Variants in CCDC77 observed in about 807,000 individuals in gnomAD.
CCDC77 encodes coiled-coil domain-containing protein 77.
In CCDC77, 56 loss-of-function variants were observed where a neutral mutation model predicts 66.8. That is an observed-to-expected ratio of 0.84 (90% CI 0.68 to 1.05). The LOEUF is 1.05. Among genes scored for constraint, CCDC77 ranks in the 50% least tolerant of loss-of-function variants. CCDC77 has a pLI of 0.00. For synonymous variants in CCDC77, 196 were observed against 195.2 expected, an observed-to-expected ratio of 1.00 and a Z score of -0.03; for missense variants, 570 against 576.8, an observed-to-expected ratio of 0.99 and a Z score of 0.12.
chr12:396,119 A>G (rs568710548), intron 1 of CCDC77, among the ~76,000 whole-genome samples: 11 of 152,098 alleles, frequency 7.2e-5, no homozygotes, highest in African/African-American at 2.4e-4. Context: ...TGGCCAGGCG[A>G]GGTGGCTCAC....
chr12:427,923 G>A (rs1242642145), intron 5 of CCDC77, among the ~76,000 whole-genome samples: 1 of 152,164 alleles, frequency 6.6e-6, no homozygotes, highest in Non-Finnish European at 1.5e-5. Context: ...TTCAGTTGCA[G>A]CAGGCCTCGT....
intron 1 of CCDC77, among the ~76,000 whole-genome samples, chr12:391,538 T>C (rs112798102): frequency 6.1e-4 from 93 of 152,268 alleles, no homozygotes; most frequent in African/African-American, 2.2e-3. Context: ...AAAGAAATAA[T>C]GGAATTCCGA....
At chr12:436,626 G>C (rs1945764782) in intron 9 of CCDC77, 1 of 251,392 alleles carries the variant, frequency 4.0e-6, no homozygotes, top group African/African-American at 2.3e-5. Context: ...ATAGCATCTT[G>C]ACATTTCAAT....
At position 437,689 on chromosome 12, in the gene CCDC77, C is replaced by A. The variant is rs1290364269; in HGVS notation, c.822-646C>A. ...GCAAGACCCCATCTCCACACACACACAAATTTTTAATGAGCTGGCAAACAC... is the reference window on the plus strand; with the variant it reads ...GCAAGACCCCATCTCCACACACACAAAAATTTTTAATGAGCTGGCAAACAC... On this transcript the variant is annotated intron_variant, in intron 9 of 12. Coordinates refer to ENST00000239830, the MANE Select transcript of CCDC77 (RefSeq NM_032358.4). Among the ~76,000 whole-genome samples, 4 of 151,654 alleles carry A rather than the reference C, an allele frequency of 2.6e-5. No homozygotes were observed. In the East Asian group the frequency reaches 7.7e-4, roughly 29 times the overall value.
At chr12:399,017 G>A (rs915233462), upstream of CCDC77, among the ~76,000 whole-genome samples, 1 of 152,042 alleles carries the variant, frequency 6.6e-6, no homozygotes, top group Admixed American at 6.6e-5. Context: ...CTTCCAAAGT[G>A]CTGGGTTTAC....
Position 428,827 on chromosome 12 carries a change from G to A in CCDC77, c.472G>A (p.Gly158Arg), listed in dbSNP as rs199659409. 7 of 1,613,108 alleles carry A rather than the reference G, an allele frequency of 4.3e-6. No individual in the cohort carries two copies. Among genetic ancestry groups the A allele is most frequent in the Non-Finnish European group, 5.9e-6 (7 of 1,179,428 alleles). ...CTTGGCTCTTGTGGGAACAGATGCT[G>A]GAGAAGTGACCTATTTTTGTAAGGA... ...NLLALVGTDA[G>R]EVTYFCKEPP... The change falls in exon 6 of 13, where the codon GGA (glycine) becomes AGA (arginine). Residue 158 changes from glycine to arginine, a missense_variant. Physicochemically the swap from Gly to Arg is moderately radical, Grantham distance 125 (BLOSUM62 -2). Coordinates refer to ENST00000239830, the MANE Select transcript of CCDC77 (RefSeq NM_032358.4).
At chr12:422,591 C>T (rs998824601) in intron 5 of CCDC77, among the ~76,000 whole-genome samples, 1 of 152,218 alleles carries the variant, frequency 6.6e-6, no homozygotes, top group Non-Finnish European at 1.5e-5. Context: ...TAGCATGTGT[C>T]AGAATTTTCT....
At chr12:414,809 A>G (rs531111707) in intron 4 of CCDC77, among the ~76,000 whole-genome samples, 1 of 151,708 alleles carries the variant, frequency 6.6e-6, no homozygotes, top group Non-Finnish European at 1.5e-5. Context: ...TCCCACACCC[A>G]CCTCACTTTG....
At chr12:416,419 CTT>C (rs57980606) in intron 4 of CCDC77, among the ~76,000 whole-genome samples, 30,749 of 53,924 alleles carry the variant, frequency 0.57, 8,736 homozygotes, top group East Asian at 0.76. Flanking sequence ...ATATATATTT[CTT>C]TTTTTTTTTT....
chr12:407,763 C>A (rs1244114848), intron 2 of CCDC77, among the ~76,000 whole-genome samples: 2 of 141,774 alleles, frequency 1.4e-5, no homozygotes. Context: ...ACACAAAATT[C>A]TTTCCCAAAG....
chr12:405,288 A>C (rs1042275993), intron 1 of CCDC77, among the ~76,000 whole-genome samples: 1 of 152,234 alleles, frequency 6.6e-6, no homozygotes, highest in Non-Finnish European at 1.5e-5. Context: ...ACTGGGAGAC[A>C]GGGATAATAG....
upstream of CCDC77, among the ~76,000 whole-genome samples, chr12:397,994 T>C (rs1944850703): frequency 6.6e-6 from 1 of 152,174 alleles, no homozygotes; most frequent in Non-Finnish European, 1.5e-5. Context: ...AGCCAAGTCA[T>C]AATATTTTCA....
Position 418,472 on chromosome 12 carries a change from T to A in CCDC77, c.271-22T>A, listed in dbSNP as rs199851073. ...ATTGAAACCCAGTGTCTTTCAACTA[T>A]CTTATTGTGGTTTTTTTGCAGCATA... On this transcript the variant is annotated intron_variant, in intron 4 of 12. Transcript: ENST00000239830. The A allele has an allele frequency of 7.2e-4, 1,157 of 1,613,254 alleles. 3 individuals carry two copies. Among genetic ancestry groups the A allele is most frequent in the Non-Finnish European group, 8.9e-4 (1,045 of 1,179,264 alleles).
At position 425,779 on chromosome 12, in the gene CCDC77, G is replaced by A. The variant is rs117771788; in HGVS notation, c.414-2990G>A. Among the ~76,000 whole-genome samples, 604 of 152,216 alleles carry A rather than the reference G, an allele frequency of 4.0e-3. 19 individuals carry two copies. In the East Asian group the frequency reaches 0.081, roughly 20 times the overall value. Reference sequence around the variant, plus strand: ...GCACTTGCTGTTTCTTGTTCATGCCGTCTGATTTAACGCGATATCATCAGT... The same window carrying A: ...GCACTTGCTGTTTCTTGTTCATGCCATCTGATTTAACGCGATATCATCAGT... On this transcript the variant is annotated intron_variant, in intron 5 of 12. Coordinates refer to ENST00000239830, the MANE Select transcript of CCDC77 (RefSeq NM_032358.4).
chr12:406,672 C>T (rs1565563696), intron 2 of CCDC77, among the ~76,000 whole-genome samples: 2 of 152,118 alleles, frequency 1.3e-5, no homozygotes, highest in African/African-American at 4.8e-5. Flanking sequence ...GGGGACCAGG[C>T]GTGGTGACTC....
intron 4 of CCDC77, among the ~76,000 whole-genome samples, chr12:414,342 G>A (rs534928684): frequency 3.3e-5 from 5 of 152,144 alleles, no homozygotes; most frequent in Admixed American, 3.3e-4. Flanking sequence ...CGCTTGCCTT[G>A]GCCTCCTGAA....
chr12:425,063 T>C (rs1004609388), intron 5 of CCDC77, among the ~76,000 whole-genome samples: 1 of 151,916 alleles, frequency 6.6e-6, no homozygotes, highest in Non-Finnish European at 1.5e-5. Context: ...TCCAAGTAGC[T>C]GGGACTACAG....
intron 1 of CCDC77, among the ~76,000 whole-genome samples, chr12:392,218 G>A (rs973662617): frequency 1.3e-5 from 2 of 152,002 alleles, no homozygotes; most frequent in Admixed American, 1.3e-4. Context: ...ATTATCCTGA[G>A]TGTTAAAATA....
At chr12:441,065 C>A in intron 12 of CCDC77, 69 bp downstream of exon 12, 1 of 1,516,330 alleles carries the variant, frequency 6.6e-7, no homozygotes, top group Non-Finnish European at 9.0e-7. Context: ...GTCACGAGGG[C>A]CCCTGAAAAG....
Sources: gnomAD v4.1 joint callset for allele counts (sites outside exome capture counted in the v4.1 genomes callset) on GRCh38, gnomAD v4.1.1 for gene constraint, MANE v1.5 for transcripts, NCBI Gene and HGNC (gene_info 2026-07-23, HGNC 2026-07-21) for gene names.